ACKR3: variants seen among roughly 807,000 people sequenced by gnomAD.
ACKR3 encodes C-X-C chemokine receptor type 7.
Under a neutral mutation model 22.4 loss-of-function variants are expected in ACKR3, and 6 were observed. That is an observed-to-expected ratio of 0.27 (90% CI 0.15 to 0.53). The LOEUF (loss-of-function observed/expected upper bound fraction) is 0.53. Ranked by LOEUF, ACKR3 falls within the 20% of genes least tolerant of loss-of-function variation. The probability of loss-of-function intolerance (pLI) is 0.96; values close to 1 mark genes in which losing one functional copy is unlikely to be tolerated. For synonymous variants in ACKR3, 209 were observed against 205.2 expected, an observed-to-expected ratio of 1.02 and a Z score of -0.16; for missense variants, 396 against 475.2, an observed-to-expected ratio of 0.83 and a Z score of 1.55.
chr2:236,572,217 AAAAAC>A (rs1221929865), intron 1 of ACKR3, among the ~76,000 whole-genome samples: 2 of 152,226 alleles, frequency 1.3e-5, no homozygotes, highest in African/African-American at 2.4e-5. Flanking sequence ...TGGAATTGAA[AAAAAC>A]AAAACAAAAC....
the ACKR3 span, among the ~76,000 whole-genome samples, chr2:236,560,359 G>A: frequency 7.0e-6 from 1 of 142,996 alleles, no homozygotes; most frequent in East Asian, 2.1e-4. Flanking sequence ...TGATAGGTGT[G>A]AGGTGATATT....
the ACKR3 span, among the ~76,000 whole-genome samples, chr2:236,542,512 T>C: frequency 2.0e-5 from 3 of 152,286 alleles, no homozygotes; most frequent in Admixed American, 6.5e-5. Flanking sequence ...CTGTATTAAT[T>C]TGCAATATCA....
At chr2:236,544,738 CA>C in the ACKR3 span, among the ~76,000 whole-genome samples, 8 of 152,194 alleles carry the variant, frequency 5.3e-5, no homozygotes, top group Non-Finnish European at 1.2e-4. The surrounding 1 kb of genome is among the most constrained non-coding windows in gnomAD (Gnocchi z 5.0). Context: ...AAAGTGGGGT[CA>C]GGGGGATAAT....
chr2:236,580,626 T>A lies in ACKR3; in HGVS notation c.161T>A (p.Ile54Asn), dbSNP rs1171276993. ...LYTLSFIYIF[I>N]FVIGMIANSV... ...ACGCTCTCCTTCATTTACATTTTCA[T>A]CTTCGTCATCGGCATGATTGCCAAC... Residue 54 changes from isoleucine to asparagine, a missense_variant, in exon 2 of 2, where the codon ATC (isoleucine) becomes AAC (asparagine). By Grantham distance (149) the Ile-to-Asn change is moderately radical. Coordinates refer to ENST00000272928, the MANE Select transcript of ACKR3 (RefSeq NM_020311.3). 2 of 1,613,826 alleles carry A rather than the reference T, an allele frequency of 1.2e-6. No individual in the cohort carries two copies. Among genetic ancestry groups the A allele is most frequent in the Non-Finnish European group, 1.7e-6 (2 of 1,179,820 alleles).
In ACKR3 at chr2:236,581,291, A is replaced by T; in HGVS notation, c.826A>T (p.Ile276Phe). ...LPYHVAVLLD[I>F]FSILHYIPFT... Reference sequence around the variant, plus strand: ...CTACCACGTGGCGGTGCTGCTGGACATCTTCTCCATCCTGCACTACATCCC... The same window carrying T: ...CTACCACGTGGCGGTGCTGCTGGACTTCTTCTCCATCCTGCACTACATCCC... Residue 276 changes from isoleucine (I) to phenylalanine (F), a missense_variant, in exon 2 of 2, where the codon ATC becomes TTC. By Grantham distance (21) the Ile-to-Phe change is conservative. Transcript: ENST00000272928. The surrounding 1 kb of genome is among the most constrained non-coding windows in gnomAD (Gnocchi z 4.4). 6.2e-7 allele frequency: 1 copy of T among 1,614,044 alleles called. No homozygotes were observed. Among genetic ancestry groups the T allele is most frequent in the Non-Finnish European group, 8.5e-7 (1 of 1,179,960 alleles).
chr2:236,575,860 C>T (rs1417281360), intron 1 of ACKR3, among the ~76,000 whole-genome samples: 2 of 152,026 alleles, frequency 1.3e-5, no homozygotes, highest in African/African-American at 2.4e-5. Context: ...AGTGTTTGCT[C>T]GTAAATAAAT....
Position 236,581,505 on chromosome 2 carries a change from C to T in ACKR3, c.1040C>T (p.Ser347Phe). The change falls in exon 2 of 2, where the codon TCC (serine) becomes TTC (phenylalanine). Residue 347 changes from serine (S) to phenylalanine (F), a missense_variant. Coordinates refer to ENST00000272928, the MANE Select transcript of ACKR3 (RefSeq NM_020311.3). This position sits in a 1 kb window ranked among gnomAD's most constrained non-coding sequence, Gnocchi z 4.4. ...KTGLTKLIDA[S>F]RVSETEYSAL... is the part of the protein sequence containing the mutation. ...GGGCTCACCAAGCTCATCGATGCCTCCAGAGTCTCAGAGACGGAGTACTCT... is the reference window on the plus strand; with the variant it reads ...GGGCTCACCAAGCTCATCGATGCCTTCAGAGTCTCAGAGACGGAGTACTCT... 1.9e-6 allele frequency: 3 copies of T among 1,614,194 alleles called. No individual in the cohort carries two copies. Among genetic ancestry groups the T allele is most frequent in the Non-Finnish European group, 2.5e-6 (3 of 1,180,038 alleles).
chr2:236,568,700 G>T (rs186255964), upstream of ACKR3, among the ~76,000 whole-genome samples: 400 of 152,348 alleles, frequency 2.6e-3, 4 homozygotes, highest in African/African-American at 9.3e-3. Flanking sequence ...TTCTCCACAC[G>T]GAGACTTTCT....
the ACKR3 span, among the ~76,000 whole-genome samples, chr2:236,539,836 G>A: frequency 6.6e-6 from 1 of 152,178 alleles, no homozygotes; most frequent in Non-Finnish European, 1.5e-5. Context: ...ATGGAGGAAG[G>A]CAAAGGAGAT....
chr2:236,568,450 T>G (rs1467125436), upstream of ACKR3, among the ~76,000 whole-genome samples: 4 of 152,160 alleles, frequency 2.6e-5, no homozygotes, highest in East Asian at 7.7e-4. Flanking sequence ...AGTTTTCCTT[T>G]CCAGCGTCTC....
chr2:236,553,227 A>C, the ACKR3 span, among the ~76,000 whole-genome samples: 1 of 152,180 alleles, frequency 6.6e-6, no homozygotes, highest in East Asian at 1.9e-4. Flanking sequence ...CCATGGGTGA[A>C]TCCCACTCCG....
chr2:236,563,065 A>G (rs192785399), upstream of ACKR3, among the ~76,000 whole-genome samples: 2 of 152,308 alleles, frequency 1.3e-5, no homozygotes, highest in East Asian at 3.9e-4. Flanking sequence ...CAGCCTTTTC[A>G]TAAGTGTATT....
Position 236,577,976 on chromosome 2 carries a change from A to G in ACKR3, c.-26-2464A>G, listed in dbSNP as rs1260803796. On this transcript the variant is annotated intron_variant, in intron 1 of 1. Coordinates refer to ENST00000272928, the MANE Select transcript of ACKR3 (RefSeq NM_020311.3). The surrounding 1 kb of genome is among the most constrained non-coding windows in gnomAD (Gnocchi z 5.6). ...CCCCGGGACTCTGGGGTCAGATGAG[A>G]TCATGGGGGAAAGTGTTTTGGAAAC... Among the ~76,000 whole-genome samples the G allele has an allele frequency of 2.0e-5, 3 of 152,190 alleles. No homozygotes were observed. The highest frequency in any genetic ancestry group is 2.9e-5 in the Non-Finnish European group (2 of 68,038).
At chr2:236,538,293 A>G in the ACKR3 span, among the ~76,000 whole-genome samples, 2 of 152,350 alleles carry the variant, frequency 1.3e-5, no homozygotes, top group East Asian at 1.9e-4. Context: ...CCTGAAAAGA[A>G]AAGCAGAACA....
chr2:236,550,795 G>A, the ACKR3 span, among the ~76,000 whole-genome samples: 4 of 152,124 alleles, frequency 2.6e-5, no homozygotes, highest in East Asian at 5.8e-4. The surrounding 1 kb of genome is among the most constrained non-coding windows in gnomAD (Gnocchi z 4.6). Flanking sequence ...ATTAACGAGC[G>A]GCTACTCAAT....
chr2:236,572,933 T>C (rs1691338634), intron 1 of ACKR3, among the ~76,000 whole-genome samples: 2 of 152,180 alleles, frequency 1.3e-5, no homozygotes, highest in African/African-American at 4.8e-5. Flanking sequence ...ATTTTTTGCG[T>C]TCTCAAGTAA....
Position 236,570,749 on chromosome 2 carries a change from G to A in ACKR3, c.-27+825G>A, listed in dbSNP as rs3827553. Among the ~76,000 whole-genome samples the A allele has an allele frequency of 7.7e-4, 117 of 152,354 alleles. 1 individual carries two copies. The East Asian group carries it at 0.02, about 26-fold the overall frequency. On this transcript the variant is annotated intron_variant, in intron 1 of 1. Coordinates refer to ENST00000272928, the MANE Select transcript of ACKR3 (RefSeq NM_020311.3). ...AAGGAGTGACTGAGAGAACTTTGGAGTGAGGTCAGGGATGGGTGGTTAGCC... is the reference window on the plus strand; with the variant it reads ...AAGGAGTGACTGAGAGAACTTTGGAATGAGGTCAGGGATGGGTGGTTAGCC...
chr2:236,572,045 G>A (rs1218183976), intron 1 of ACKR3, among the ~76,000 whole-genome samples: 1 of 152,142 alleles, frequency 6.6e-6, no homozygotes, highest in African/African-American at 2.4e-5. Context: ...TAAAGTTCAG[G>A]AAGGAAAAGA....
chr2:236,553,662 C>T, the ACKR3 span, among the ~76,000 whole-genome samples: 2 of 152,256 alleles, frequency 1.3e-5, no homozygotes, highest in Non-Finnish European at 2.9e-5. Context: ...TGTGGACCAG[C>T]CCCTGAAACC....
Sources: gnomAD v4.1 joint callset for allele counts (sites outside exome capture counted in the v4.1 genomes callset) on GRCh38, gnomAD v4.1.1 for gene constraint, Gnocchi (gnomAD v3.1) non-coding constraint, MANE v1.5 for transcripts, NCBI Gene and HGNC (gene_info 2026-07-23, HGNC 2026-07-21) for gene names.